The following TRAPPC6B variants were observed in gnomAD, a reference collection of about 807,000 sequenced individuals.
The protein encoded by TRAPPC6B is trafficking protein particle complex subunit 6B.
A neutral mutation model predicts 24.7 loss-of-function variants in TRAPPC6B; 27 were observed. The ratio of observed to expected loss-of-function variants is 1.09; its 90% CI spans 0.81 to 1.51. The LOEUF (loss-of-function observed/expected upper bound fraction) is 1.51. TRAPPC6B is among the 40% of genes most tolerant of loss of function. The pLI is 0.00. For missense variants in TRAPPC6B, 212 were observed against 190.8 expected, an observed-to-expected ratio of 1.11 and a Z score of -0.66; for synonymous variants, 80 against 66.6, an observed-to-expected ratio of 1.20 and a Z score of -0.98.
intron 3 of TRAPPC6B, chr14:39,157,347 TA>T: frequency 2.9e-6 from 1 of 344,296 alleles, no homozygotes; most frequent in African/African-American, 2.2e-5. Flanking sequence ...CTTAGCTGCT[TA>T]AGCTGGCCCA....
In TRAPPC6B at chr14:39,150,233, T is replaced by C. The variant is rs1594531640; in HGVS notation, c.*117A>G. 4.6e-6 allele frequency: 4 copies of C among 865,062 alleles called. No homozygotes were observed. In the South Asian group the frequency reaches 6.5e-5, roughly 14 times the overall value. The allele number at this position is 865,062 out of a possible 1,614,324, so 53.6% of individuals were successfully genotyped here. ...TTGATCTGTGTTAAATTGATAAAAA[T>C]ACATGCTTACTCCTGTACAAACATC... On this transcript the variant is annotated 3_prime_UTR_variant, in exon 6 of 6. Coordinates refer to ENST00000330149, the MANE Select transcript of TRAPPC6B (RefSeq NM_001079537.2).
intron 4 of TRAPPC6B, among the ~76,000 whole-genome samples, chr14:39,153,268 A>G (rs2052936049): frequency 2.0e-5 from 3 of 151,386 alleles, no homozygotes; most frequent in Non-Finnish European, 2.9e-5. Flanking sequence ...AAAAAAAAAA[A>G]GAGAGAAAAT....
chr14:39,156,134 AT>A (rs1284210034), intron 3 of TRAPPC6B, among the ~76,000 whole-genome samples: 1 of 152,180 alleles, frequency 6.6e-6, no homozygotes. Context: ...GAGTAAAAAA[AT>A]CATAGTCATT....
intron 3 of TRAPPC6B, among the ~76,000 whole-genome samples, chr14:39,154,837 A>G (rs771475832): frequency 1.3e-5 from 2 of 152,244 alleles, no homozygotes; most frequent in Non-Finnish European, 2.9e-5. Context: ...AGATAAAAAC[A>G]CTGTCTGAGA....
chr14:39,157,260 A>G, intron 3 of TRAPPC6B: 1 of 373,214 alleles, frequency 2.7e-6, no homozygotes. Context: ...AGTGGCACAA[A>G]GCCATCCTCT....
At chr14:39,151,208 G>A (rs954116004) in intron 5 of TRAPPC6B, among the ~76,000 whole-genome samples, 3 of 151,740 alleles carry the variant, frequency 2.0e-5, no homozygotes, top group African/African-American at 7.3e-5. Flanking sequence ...TGGCTAACAC[G>A]GTGAAACCCA....
chr14:39,162,334 T>C (rs970911566), intron 1 of TRAPPC6B, among the ~76,000 whole-genome samples: 2 of 151,842 alleles, frequency 1.3e-5, no homozygotes, highest in Non-Finnish European at 2.9e-5. Flanking sequence ...ATTTTTTTTT[T>C]TTTTAAGAGA....
chr14:39,153,144 T>C (rs1415047708), intron 4 of TRAPPC6B, among the ~76,000 whole-genome samples: 1 of 151,376 alleles, frequency 6.6e-6, no homozygotes, highest in Non-Finnish European at 1.5e-5. Flanking sequence ...TACAAAAAAT[T>C]AGCCAGGCAT....
At chr14:39,152,189 G>T (rs997585419) in intron 4 of TRAPPC6B, among the ~76,000 whole-genome samples, 2 of 152,214 alleles carry the variant, frequency 1.3e-5, no homozygotes, top group Non-Finnish European at 1.5e-5. Context: ...ATTCTAAGTA[G>T]ATACAGTCTG....
At chr14:39,154,149 A>C (rs1566546200) in intron 4 of TRAPPC6B, 62 bp downstream of exon 4, 1 of 987,348 alleles carries the variant, frequency 1.0e-6, no homozygotes, top group African/African-American at 1.6e-5. Context: ...TATGATTAGC[A>C]CTGTACTTTT....
rs1165946897 is a variant in TRAPPC6B at position 39,153,721 on chromosome 14, G to A, written c.351+490C>T. Among the ~76,000 whole-genome samples, 5 of 132,068 alleles carry A rather than the reference G, an allele frequency of 3.8e-5. No homozygotes were observed. In the East Asian group the frequency reaches 1.1e-3, roughly 28 times the overall value. The allele number at this position is 132,068 out of a possible 152,430, so 86.6% of individuals were successfully genotyped here. ...TTTTTTTCTTTTTTTTTTTTTTTGA[G>A]ATGGAGTTTTGCTCTTATACCCCAG... is the stretch of plus-strand genomic sequence containing the variant. On this transcript the variant is annotated intron_variant, in intron 4 of 5. Coordinates refer to ENST00000330149, the MANE Select transcript of TRAPPC6B (RefSeq NM_001079537.2).
intron 1 of TRAPPC6B, among the ~76,000 whole-genome samples, chr14:39,167,108 C>T (rs908298919): frequency 2.0e-5 from 3 of 152,182 alleles, no homozygotes; most frequent in Non-Finnish European, 2.9e-5. Context: ...GAATTAAGCC[C>T]TACTACTTAA....
chr14:39,158,230 A>C, intron 3 of TRAPPC6B, 55 bp downstream of exon 3: 2 of 952,978 alleles, frequency 2.1e-6, no homozygotes, highest in Admixed American at 2.6e-5. Context: ...CTAAAATACG[A>C]TATTTATATC....
intron 4 of TRAPPC6B, among the ~76,000 whole-genome samples, chr14:39,153,364 A>T (rs1377173350): frequency 6.6e-6 from 1 of 152,090 alleles, no homozygotes; most frequent in East Asian, 1.9e-4. Flanking sequence ...GCAGTGGCTC[A>T]CACCTGTAAT....
rs2052880732 is a variant in TRAPPC6B, at chr14:39,148,520, AT to A, written c.*1829del. ...AAATGGCTGATGGGTAGGCATATGA[AT>A]GTCTAACAAACCAACTTATTTGAAC... On this transcript the variant is annotated 3_prime_UTR_variant, in exon 6 of 6. Transcript: ENST00000330149. 5.0e-6 allele frequency: 2 copies of A among 396,570 alleles called. No individual in the cohort carries two copies. Among genetic ancestry groups the A allele is most frequent in the Non-Finnish European group, 8.9e-6 (2 of 225,180 alleles). The allele number at this position is 396,570 out of a possible 1,614,324, so 24.6% of individuals were successfully genotyped here. A position where few individuals can be genotyped will look rare whatever the true frequency, so the allele number is the denominator to read the frequency against.
At chr14:39,154,363 A>G (rs1345630811) in intron 3 of TRAPPC6B, 69 bp from the exon 4 acceptor site, 5 of 957,694 alleles carry the variant, frequency 5.2e-6, no homozygotes, top group South Asian at 1.5e-5. Context: ...TTTTATTCTT[A>G]TGAAACAATT....
chr14:39,162,330 T>G (rs1240645314), intron 1 of TRAPPC6B, among the ~76,000 whole-genome samples: 2 of 151,722 alleles, frequency 1.3e-5, no homozygotes, highest in Non-Finnish European at 2.9e-5. Context: ...GGCTATTTTT[T>G]TTTTTTTTAA....
chr14:39,151,860 T>G (rs2052919507), intron 4 of TRAPPC6B, 21 bp from the exon 5 acceptor site: 8 of 1,496,224 alleles, frequency 5.3e-6, no homozygotes, highest in African/African-American at 1.4e-5. Context: ...AAAAAATCAT[T>G]AAAAATAGTA....
intron 1 of TRAPPC6B, among the ~76,000 whole-genome samples, chr14:39,161,631 C>T (rs976802614): frequency 1.3e-5 from 2 of 152,130 alleles, no homozygotes; most frequent in African/African-American, 2.4e-5. Context: ...CCGTGTCTGG[C>T]GAGCCAACTG....
Sources: allele counts gnomAD v4.1 joint callset (sites outside exome capture counted in the v4.1 genomes callset), GRCh38; gene constraint gnomAD v4.1.1; transcripts MANE v1.5; gene names NCBI Gene and HGNC (gene_info 2026-07-23, HGNC 2026-07-21).